Variants in PDCD6 observed in about 807,000 individuals in gnomAD.
The protein encoded by PDCD6 is programmed cell death protein 6.
A neutral mutation model predicts 28.3 loss-of-function variants in PDCD6; 12 were observed. That is an observed-to-expected ratio of 0.42 (90% CI 0.27 to 0.69). The LOEUF is 0.69. PDCD6 is among the 30% of genes least tolerant of loss of function. PDCD6 has a pLI of 0.22. For synonymous variants in PDCD6, 92 were observed against 108.0 expected, an observed-to-expected ratio of 0.85 and a Z score of 0.92; for missense variants, 226 against 269.9, an observed-to-expected ratio of 0.84 and a Z score of 1.14.
intron 2 of PDCD6, among the ~76,000 whole-genome samples, chr5:285,094 C>A (rs1407424180): frequency 2.0e-5 from 3 of 150,460 alleles, no homozygotes; most frequent in African/African-American, 7.3e-5. Context: ...CAGCTCCCCA[C>A]CAGGTCTCCA....
In PDCD6 at chr5:272,721, G is replaced by C; in HGVS notation, c.112G>C (p.Asp38His). Residue 38 changes from aspartate to histidine, a missense_variant, in exon 2 of 6, where the codon GAC becomes CAC. Asp to His is a moderately conservative substitution (Grantham distance 81, BLOSUM62 -1). Coordinates refer to ENST00000264933, the MANE Select transcript of PDCD6 (RefSeq NM_013232.4). ...LWNVFQRVDK[D>H]RSGVISDTEL... ...TTCTTGATGTTATAGGGTCGATAAA[G>C]ACAGGAGTGGAGTGATATCAGACAC... is the stretch of plus-strand genomic sequence containing the variant. 6.3e-7 allele frequency: 1 copy of C among 1,579,758 alleles called. No homozygotes were observed. The highest frequency in any genetic ancestry group is 8.6e-7 in the Non-Finnish European group (1 of 1,164,468).
chr5:311,391 A>T lies in PDCD6; in HGVS notation c.466A>T (p.Ile156Phe). 6.2e-7 allele frequency: 1 copy of T among 1,612,012 alleles called. No individual in the cohort carries two copies. The highest frequency in any genetic ancestry group is 1.1e-5 in the South Asian group (1 of 90,994). The change falls in exon 5 of 6, where the codon ATC becomes TTC. Residue 156 changes from isoleucine to phenylalanine, a missense_variant. Physicochemically the swap from Ile to Phe is conservative, Grantham distance 21. Coordinates refer to ENST00000264933, the MANE Select transcript of PDCD6 (RefSeq NM_013232.4). ...IAFDDFIQGCIVLQRLTDIFR... is the reference protein window; with the variant it reads ...IAFDDFIQGCFVLQRLTDIFR... The stretch of plus-strand genomic sequence containing the variant: ...CTTCGACGACTTCATCCAGGGCTGC[A>T]TCGTCCTGCAGGTGACGGAATGGCT...
At chr5:273,591 A>G (rs1258412193) in intron 2 of PDCD6, among the ~76,000 whole-genome samples, 4 of 152,154 alleles carry the variant, frequency 2.6e-5, no homozygotes, top group Non-Finnish European at 5.9e-5. Context: ...AAATGTTGAA[A>G]GGCTTCTTGT....
At chr5:274,653 T>C (rs1738068115) in intron 2 of PDCD6, among the ~76,000 whole-genome samples, 1 of 152,122 alleles carries the variant, frequency 6.6e-6, no homozygotes, top group Non-Finnish European at 1.5e-5. Flanking sequence ...TGATGATGGT[T>C]TCCACTTACT....
chr5:275,233 C>T lies in PDCD6; in HGVS notation c.163+2461C>T, dbSNP rs578142576. On this transcript the variant is annotated intron_variant, in intron 2 of 5. Coordinates refer to ENST00000264933, the MANE Select transcript of PDCD6 (RefSeq NM_013232.4). ...CCCAGGAGTTTGAGACCAGCCTGGG[C>T]GACACTGTGAGACCCTGTTGCCTGA... 9.8e-5 allele frequency among the ~76,000 whole-genome samples: 15 copies of T among 152,288 alleles called. No homozygotes were observed. The East Asian group carries it at 2.1e-3, about 22-fold the overall frequency.
intron 1 of PDCD6, among the ~76,000 whole-genome samples, chr5:272,166 C>G (rs1032218093): frequency 2.1e-4 from 31 of 150,536 alleles, no homozygotes; most frequent in African/African-American, 6.0e-4. Flanking sequence ...GCCACCGGCT[C>G]CTGGGCTAGG....
At chr5:294,251 A>C (rs1301556885) in intron 2 of PDCD6, among the ~76,000 whole-genome samples, 2 of 145,450 alleles carry the variant, frequency 1.4e-5, no homozygotes, top group Non-Finnish European at 3.0e-5. Context: ...AAATCTAAAG[A>C]GAATGAAACA....
At chr5:299,315 C>G (rs1187233643) in intron 2 of PDCD6, among the ~76,000 whole-genome samples, 2 of 97,310 alleles carry the variant, frequency 2.1e-5, no homozygotes, top group Non-Finnish European at 4.2e-5. Flanking sequence ...CTGGGGCACC[C>G]GTTCCTGTGG....
At chr5:297,964 TCTAA>T (rs1312350600) in intron 2 of PDCD6, among the ~76,000 whole-genome samples, 2 of 152,198 alleles carry the variant, frequency 1.3e-5, no homozygotes, top group Non-Finnish European at 2.9e-5. Flanking sequence ...CACAGGTGAA[TCTAA>T]CAAATGACAA....
At chr5:288,275 TTAAAA>T (rs1391299589) in intron 2 of PDCD6, among the ~76,000 whole-genome samples, 1 of 138,468 alleles carries the variant, frequency 7.2e-6, no homozygotes, top group Admixed American at 7.8e-5. Context: ...ATTTCCCCCC[TTAAAA>T]TAATATATAT....
At chr5:281,910 T>C (rs1189876625) in intron 2 of PDCD6, among the ~76,000 whole-genome samples, 1 of 149,674 alleles carries the variant, frequency 6.7e-6, no homozygotes, top group Non-Finnish European at 1.5e-5. Context: ...GAGGAGCTGA[T>C]GTTCTAGATT....
intron 2 of PDCD6, among the ~76,000 whole-genome samples, chr5:293,241 C>T (rs376471314): frequency 9.2e-5 from 14 of 152,158 alleles, no homozygotes; most frequent in East Asian, 3.9e-4. Flanking sequence ...ATCAAGAAGA[C>T]GGGAACAGCA....
At position 289,874 on chromosome 5, in the gene PDCD6, T is replaced by G. The variant is rs969082777; in HGVS notation, c.164-14303T>G. 208 of 1,506,964 alleles carry G rather than the reference T, an allele frequency of 1.4e-4. 1 individual carries two copies. In the Middle Eastern group the frequency reaches 1.9e-3, roughly 14 times the overall value. 93.3% of individuals were successfully genotyped at this position (1,506,964 alleles called of 1,614,324 possible). ...GAATTTCCAGGAAACATAACACCAT[T>G]CATTCGATTTAAACTATTGGAATTG... On this transcript the variant is annotated intron_variant, in intron 2 of 5. Transcript: ENST00000264933.
intron 2 of PDCD6, among the ~76,000 whole-genome samples, chr5:296,373 T>C (rs1312326994): frequency 3.9e-5 from 6 of 152,180 alleles, no homozygotes; most frequent in East Asian, 1.9e-4. Flanking sequence ...CAGGGAGCTG[T>C]TCACGCCCCA....
At chr5:292,798 G>A (rs1162448563) in intron 2 of PDCD6, among the ~76,000 whole-genome samples, 9 of 152,206 alleles carry the variant, frequency 5.9e-5, no homozygotes, top group Admixed American at 5.9e-4. Context: ...GATTAGCAGA[G>A]GATTTAAACA....
At chr5:276,009 T>C (rs773359966) in intron 2 of PDCD6, 13 of 1,284,798 alleles carry the variant, frequency 1.0e-5, no homozygotes, top group Admixed American at 4.6e-5. Context: ...TTCATCTCTG[T>C]AGGATGAAGC....
intron 2 of PDCD6, among the ~76,000 whole-genome samples, chr5:283,829 C>T (rs1375330667): frequency 1.4e-5 from 2 of 147,968 alleles, no homozygotes; most frequent in Non-Finnish European, 3.0e-5. Context: ...AGCTGCAGAC[C>T]CGGAGAGGAG....
chr5:290,203 T>G, intron 2 of PDCD6: 20 of 1,568,802 alleles, frequency 1.3e-5, no homozygotes, highest in Non-Finnish European at 1.7e-5. Flanking sequence ...TTGGGACCAC[T>G]GAATCTGTTT....
At chr5:313,145 G>A (rs1379330626) in intron 5 of PDCD6, among the ~76,000 whole-genome samples, 3 of 152,216 alleles carry the variant, frequency 2.0e-5, no homozygotes, top group Non-Finnish European at 2.9e-5. Flanking sequence ...CCCCACCCTT[G>A]GAGAGTGACC....
Sources: gnomAD v4.1 joint callset for allele counts (sites outside exome capture counted in the v4.1 genomes callset) on GRCh38, gnomAD v4.1.1 for gene constraint, MANE v1.5 for transcripts, NCBI Gene and HGNC (gene_info 2026-07-23, HGNC 2026-07-21) for gene names.